The following GUCY1A2 variants were observed in gnomAD, a reference collection of about 807,000 sequenced individuals.
GUCY1A2 encodes guanylate cyclase soluble subunit alpha-2.
In GUCY1A2, 27 loss-of-function variants were observed where a neutral mutation model predicts 63.5. That is an observed-to-expected ratio of 0.43 (90% CI 0.31 to 0.59). GUCY1A2 has a LOEUF of 0.59. Ranked by LOEUF, GUCY1A2 falls within the 20% of genes least tolerant of loss-of-function variation. GUCY1A2 has a pLI of 0.11. For synonymous variants in GUCY1A2, 364 were observed against 343.5 expected (o/e 1.06, Z -0.66); for missense variants, 768 against 913.3 (o/e 0.84, Z 2.05).
At chr11:106,945,562 A>G (rs180824576) in intron 3 of GUCY1A2, among the ~76,000 whole-genome samples, 47 of 152,358 alleles carry the variant, frequency 3.1e-4, no homozygotes, top group African/African-American at 1.1e-3. Context: ...TATACATCAT[A>G]TACAAATGTG....
chr11:106,904,062 A>C (rs1860171015), intron 4 of GUCY1A2, among the ~76,000 whole-genome samples: 1 of 152,286 alleles, frequency 6.6e-6, no homozygotes, highest in South Asian at 2.1e-4. Flanking sequence ...AGTCTAACCT[A>C]AAGTTATTTA....
chr11:106,783,010 A>G (rs1181224653), intron 5 of GUCY1A2, among the ~76,000 whole-genome samples: 1 of 152,166 alleles, frequency 6.6e-6, no homozygotes, highest in Non-Finnish European at 1.5e-5. Flanking sequence ...TATTAGGTCC[A>G]TGGAACGCCC....
chr11:106,997,529 G>A (rs942044655), intron 1 of GUCY1A2, among the ~76,000 whole-genome samples: 2 of 151,940 alleles, frequency 1.3e-5, no homozygotes, highest in Non-Finnish European at 2.9e-5. Flanking sequence ...CTAAACAACT[G>A]GTAAGAGGTA....
At chr11:106,903,523 T>C (rs1418126449) in intron 4 of GUCY1A2, among the ~76,000 whole-genome samples, 1 of 152,168 alleles carries the variant, frequency 6.6e-6, no homozygotes, top group African/African-American at 2.4e-5. Flanking sequence ...GGCATCATAG[T>C]CCTCAGGCCC....
intron 4 of GUCY1A2, among the ~76,000 whole-genome samples, chr11:106,815,193 T>C (rs1858814589): frequency 6.6e-6 from 1 of 151,880 alleles, no homozygotes; most frequent in Admixed American, 6.6e-5. Context: ...TGACAGAGGA[T>C]AGAATCAGTG....
At chr11:106,968,470 T>C (rs1370631492) in intron 3 of GUCY1A2, among the ~76,000 whole-genome samples, 1 of 152,204 alleles carries the variant, frequency 6.6e-6, no homozygotes, top group Non-Finnish European at 1.5e-5. Flanking sequence ...CTCTTTTACT[T>C]ATCTGGCTCT....
At chr11:106,978,575 C>A in intron 3 of GUCY1A2, 44 bp downstream of exon 3, 1 of 1,307,342 alleles carries the variant, frequency 7.6e-7, no homozygotes. Context: ...CTTTCCCTCT[C>A]TTTCATTCTC....
In GUCY1A2 at chr11:106,919,439, G is replaced by A. The variant is rs149799698; in HGVS notation, c.1206+20021C>T. On this transcript the variant is annotated intron_variant, in intron 4 of 7. Coordinates refer to ENST00000526355, the MANE Select transcript of GUCY1A2 (RefSeq NM_000855.3). ...TAGATGTGTTAACTAATTTAATTGT[G>A]ATAATCATTTCATAATATATCCATA... Among the ~76,000 whole-genome samples, 272 of 152,098 alleles carry A rather than the reference G, an allele frequency of 1.8e-3. 1 individual carries two copies. Among genetic ancestry groups the A allele is most frequent in the African/African-American group, 6.2e-3 (259 of 41,524 alleles).
intron 4 of GUCY1A2, among the ~76,000 whole-genome samples, chr11:106,841,864 C>T (rs1859203218): frequency 1.3e-5 from 2 of 151,944 alleles, no homozygotes; most frequent in East Asian, 1.9e-4. Context: ...TTTTACTTTA[C>T]TACCTTTTTT....
At chr11:106,880,777 CA>C (rs2135471230) in intron 4 of GUCY1A2, among the ~76,000 whole-genome samples, 1 of 152,152 alleles carries the variant, frequency 6.6e-6, no homozygotes, top group African/African-American at 2.4e-5. Flanking sequence ...AAGGGATATA[CA>C]AGATGCAATA....
At chr11:106,846,025 C>T (rs1859266241) in intron 4 of GUCY1A2, among the ~76,000 whole-genome samples, 1 of 151,456 alleles carries the variant, frequency 6.6e-6, no homozygotes, top group African/African-American at 2.4e-5. Flanking sequence ...CTAATCTAAT[C>T]ATGAGGAAAC....
intron 4 of GUCY1A2, among the ~76,000 whole-genome samples, chr11:106,928,252 C>A (rs1860555082): frequency 6.6e-6 from 1 of 152,174 alleles, no homozygotes; most frequent in Non-Finnish European, 1.5e-5. Context: ...AAAAGAGTCA[C>A]TGCTTCACTC....
At chr11:106,747,341 T>C (rs1304662787) in intron 6 of GUCY1A2, among the ~76,000 whole-genome samples, 1 of 152,198 alleles carries the variant, frequency 6.6e-6, no homozygotes, top group African/African-American at 2.4e-5. Flanking sequence ...ATAAATTTTT[T>C]AACCTTGATA....
At chr11:106,822,471 C>G (rs780672255) in intron 4 of GUCY1A2, among the ~76,000 whole-genome samples, 1 of 152,114 alleles carries the variant, frequency 6.6e-6, no homozygotes, top group East Asian at 1.9e-4. Context: ...CCCAGGTAGA[C>G]AGCATAGTAC....
intron 5 of GUCY1A2, among the ~76,000 whole-genome samples, chr11:106,784,323 C>T (rs1027572591): frequency 6.6e-6 from 1 of 152,076 alleles, no homozygotes; most frequent in African/African-American, 2.4e-5. Flanking sequence ...GTTAAGAGGG[C>T]ACTCCTTCCT....
At chr11:106,926,152 G>C (rs1019068830) in intron 4 of GUCY1A2, among the ~76,000 whole-genome samples, 1 of 152,148 alleles carries the variant, frequency 6.6e-6, no homozygotes, top group African/African-American at 2.4e-5. Context: ...GGGCGCAGTG[G>C]TTCACGTCTA....
intron 6 of GUCY1A2, among the ~76,000 whole-genome samples, chr11:106,709,265 A>ATAT (rs202173018): frequency 2.3e-5 from 1 of 42,642 alleles, no homozygotes; most frequent in Non-Finnish European, 3.8e-5. Flanking sequence ...ATATATAAAT[A>ATAT]TATTTATATA....
rs1282473544 is a variant in GUCY1A2, at chr11:106,685,845, A to G, written c.*1704T>C. 4.4e-6 allele frequency: 1 copy of G among 226,416 alleles called. No homozygotes were observed. Among genetic ancestry groups the G allele is most frequent in the Non-Finnish European group, 8.8e-6 (1 of 113,804 alleles). 14.0% of individuals were successfully genotyped at this position (226,416 alleles called of 1,614,324 possible). The stretch of plus-strand genomic sequence containing the variant: ...TTGTAAACCCCCAGGGCAAGAAAAT[A>G]ACTCAAATTATAAAAGGGATCAGGA... On this transcript the variant is annotated 3_prime_UTR_variant, in exon 8 of 8. Coordinates refer to ENST00000526355, the MANE Select transcript of GUCY1A2 (RefSeq NM_000855.3).
At chr11:106,996,167 A>C (rs1252530961) in intron 1 of GUCY1A2, among the ~76,000 whole-genome samples, 1 of 152,194 alleles carries the variant, frequency 6.6e-6, no homozygotes, top group Non-Finnish European at 1.5e-5. Context: ...CCATTGAGCA[A>C]TAGAAGCAAC....
Sources: allele counts gnomAD v4.1 joint callset (sites outside exome capture counted in the v4.1 genomes callset), GRCh38; gene constraint gnomAD v4.1.1; transcripts MANE v1.5; gene names NCBI Gene and HGNC (gene_info 2026-07-23, HGNC 2026-07-21).